Variants in CEP63 observed in about 807,000 individuals in gnomAD.
CEP63 encodes the protein centrosomal protein 63, also known as centrosomal protein of 63 kDa.
Under a neutral mutation model 89.1 loss-of-function variants are expected in CEP63, and 84 were observed. That is an observed-to-expected ratio of 0.94 (90% CI 0.79 to 1.13). The LOEUF (loss-of-function observed/expected upper bound fraction) is 1.13. Ranked by LOEUF, CEP63 falls within the 50% of genes most tolerant of loss-of-function variation. The pLI, the probability that CEP63 is intolerant of heterozygous loss-of-function variation, is 0.00. For missense variants in CEP63, 838 were observed against 813.3 expected (o/e 1.03, Z -0.37); for synonymous variants, 267 against 272.5 (o/e 0.98, Z 0.20).
chr3:134,506,637 G>A (rs1189330398), intron 2 of CEP63, among the ~76,000 whole-genome samples: 1 of 152,130 alleles, frequency 6.6e-6, no homozygotes, highest in African/African-American at 2.4e-5. Context: ...TAAAAGCTCA[G>A]GCCGGGCACG....
chr3:134,554,719 A>G (rs972115548), intron 12 of CEP63, among the ~76,000 whole-genome samples: 18 of 152,142 alleles, frequency 1.2e-4, no homozygotes, highest in African/African-American at 3.1e-4. Context: ...AAGTGTTCCT[A>G]TTTCTCCACA....
chr3:134,775,823 T>C, the CEP63 span, among the ~76,000 whole-genome samples: 8 of 152,178 alleles, frequency 5.3e-5, no homozygotes, highest in African/African-American at 1.9e-4. Flanking sequence ...CTCTCCATCA[T>C]TCATTTGATG....
At chr3:134,648,730 ACTTCCAGCAGAAGGCC>A in the CEP63 span, among the ~76,000 whole-genome samples, 5 of 152,032 alleles carry the variant, frequency 3.3e-5, no homozygotes, top group Non-Finnish European at 5.9e-5. Context: ...CAGAAGGGCC[ACTTCCAGCAGAAGGCC>A]CTTCCAGCAG....
chr3:134,539,723 A>T (rs1339405819), intron 6 of CEP63, among the ~76,000 whole-genome samples: 2 of 152,096 alleles, frequency 1.3e-5, no homozygotes, highest in Non-Finnish European at 2.9e-5. Flanking sequence ...TTTTTTTCTT[A>T]TATGTTTTTA....
intron 10 of CEP63, among the ~76,000 whole-genome samples, chr3:134,586,979 G>A (rs947453609): frequency 2.0e-5 from 3 of 152,046 alleles, no homozygotes; most frequent in East Asian, 1.9e-4. Flanking sequence ...CCACTTGATC[G>A]AATTGGCTAT....
chr3:134,602,861 C>T, the CEP63 span, among the ~76,000 whole-genome samples: 1 of 152,248 alleles, frequency 6.6e-6, no homozygotes, highest in Non-Finnish European at 1.5e-5. Context: ...CGGGCATGGG[C>T]TGCTCTTTGC....
the CEP63 span, among the ~76,000 whole-genome samples, chr3:134,661,506 T>C: frequency 6.6e-6 from 1 of 152,190 alleles, no homozygotes; most frequent in African/African-American, 2.4e-5. Context: ...TCTCATGTAG[T>C]TGACCTAGAA....
At chr3:134,661,131 C>T in the CEP63 span, among the ~76,000 whole-genome samples, 1 of 152,168 alleles carries the variant, frequency 6.6e-6, no homozygotes, top group Non-Finnish European at 1.5e-5. Flanking sequence ...TTTCTTGCAG[C>T]CTTCCTGCCC....
the CEP63 span, among the ~76,000 whole-genome samples, chr3:134,634,500 A>G: frequency 5.0e-4 from 76 of 152,392 alleles, 1 homozygote; most frequent in South Asian, 6.0e-3. Flanking sequence ...GAAAAAGGGC[A>G]AAAGAATAGA....
exon 11 of CEP63, among the ~76,000 whole-genome samples, chr3:134,587,593 C>G (rs1277998987): frequency 1.3e-5 from 2 of 152,148 alleles, no homozygotes; most frequent in African/African-American, 4.8e-5. Context: ...GGGCACCTGC[C>G]TGTATGAGGT....
At chr3:134,567,439 A>G (rs1483593337), downstream of CEP63, among the ~76,000 whole-genome samples, 3 of 140,148 alleles carry the variant, frequency 2.1e-5, no homozygotes, top group South Asian at 7.7e-4. Flanking sequence ...ATTATATAGT[A>G]TGTAAATTAT....
At chr3:134,770,282 A>G in the CEP63 span, among the ~76,000 whole-genome samples, 1 of 152,218 alleles carries the variant, frequency 6.6e-6, no homozygotes, top group Non-Finnish European at 1.5e-5. Context: ...TATGTTTTTA[A>G]TAGAACCCCC....
chr3:134,734,867 A>G, the CEP63 span, among the ~76,000 whole-genome samples: 1 of 152,114 alleles, frequency 6.6e-6, no homozygotes, highest in African/African-American at 2.4e-5. Context: ...TTCATTCGTC[A>G]TTGTCCTTTT....
chr3:134,717,779 T>C, the CEP63 span, among the ~76,000 whole-genome samples: 8 of 152,170 alleles, frequency 5.3e-5, no homozygotes, highest in African/African-American at 1.4e-4. Context: ...ATAGAGACAA[T>C]AGAGAATCAC....
chr3:134,693,657 G>T, the CEP63 span, among the ~76,000 whole-genome samples: 1 of 152,174 alleles, frequency 6.6e-6, no homozygotes, highest in East Asian at 1.9e-4. Flanking sequence ...CCCAGAAGAC[G>T]GGATCCTCTG....
the CEP63 span, among the ~76,000 whole-genome samples, chr3:134,778,537 TTTTG>T: frequency 1.8e-4 from 28 of 151,840 alleles, no homozygotes; most frequent in African/African-American, 5.3e-4. Context: ...GTTTTTGCTG[TTTTG>T]TTTGTTTGTT....
the CEP63 span, among the ~76,000 whole-genome samples, chr3:134,617,314 G>A: frequency 6.6e-6 from 1 of 152,210 alleles, no homozygotes. Context: ...TATTTCATCA[G>A]TTAAAAGAGA....
intron 1 of CEP63, among the ~76,000 whole-genome samples, chr3:134,491,826 C>T (rs1448459477): frequency 6.6e-6 from 1 of 152,150 alleles, no homozygotes; most frequent in African/African-American, 2.4e-5. Context: ...CTCCTTTAGA[C>T]TTGAAGGTTA....
intron 1 of CEP63, among the ~76,000 whole-genome samples, chr3:134,492,568 C>T (rs1470556082): frequency 6.6e-6 from 1 of 150,622 alleles, no homozygotes; most frequent in Non-Finnish European, 1.5e-5. Flanking sequence ...GGTCCACTTC[C>T]CTCCTTTTTT....
Sources: gnomAD v4.1 joint callset for allele counts (sites outside exome capture counted in the v4.1 genomes callset) on GRCh38, gnomAD v4.1.1 for gene constraint, MANE v1.5 for transcripts, NCBI Gene and HGNC (gene_info 2026-07-23, HGNC 2026-07-21) for gene names.